The following ZFHX3 variants were observed in gnomAD, a reference collection of about 807,000 sequenced individuals.
The protein encoded by ZFHX3 is zinc finger homeobox 3.
Under a neutral mutation model 279.1 loss-of-function variants are expected in ZFHX3, and 42 were observed. That is an observed-to-expected ratio of 0.15 (90% CI 0.12 to 0.19). The LOEUF is 0.19. Among genes scored for constraint, ZFHX3 ranks in the 10% least tolerant of loss-of-function variants. The pLI, the probability that ZFHX3 is intolerant of heterozygous loss-of-function variation, is 1.00. For synonymous variants in ZFHX3, 2,293 were observed against 1,957.8 expected (o/e 1.17, Z -4.52); for missense variants, 4,981 against 4,754.0 (o/e 1.05, Z -1.40).
At chr16:72,889,468 A>G (rs1432074845) in intron 4 of ZFHX3, among the ~76,000 whole-genome samples, 1 of 150,650 alleles carries the variant, frequency 6.6e-6, no homozygotes, top group South Asian at 2.1e-4. Context: ...GCTCCAAGAA[A>G]AGTGCTGCCA....
intron 2 of ZFHX3, among the ~76,000 whole-genome samples, chr16:73,646,288 T>C (rs537954617): frequency 2.6e-5 from 4 of 152,202 alleles, no homozygotes; most frequent in South Asian, 2.1e-4. Flanking sequence ...GTAAAGACAG[T>C]TGCAAAATCA....
intron 5 of ZFHX3, among the ~76,000 whole-genome samples, chr16:73,182,411 C>T (rs1167255255): frequency 2.0e-5 from 3 of 152,114 alleles, no homozygotes; most frequent in Non-Finnish European, 2.9e-5. Flanking sequence ...GAGCCAAGAT[C>T]GTGCCACTGC....
At chr16:73,487,565 T>C (rs760446408) in intron 2 of ZFHX3, 41 of 319,606 alleles carry the variant, frequency 1.3e-4, no homozygotes, top group Non-Finnish European at 2.3e-4. Context: ...CATGCCCAGC[T>C]AATTTTTTAT....
intron 1 of ZFHX3, among the ~76,000 whole-genome samples, chr16:73,740,773 G>A (rs1319056437): frequency 6.6e-6 from 1 of 152,124 alleles, no homozygotes; most frequent in Non-Finnish European, 1.5e-5. Flanking sequence ...CGAGTCCATG[G>A]TAAATGTGTG....
intron 3 of ZFHX3, among the ~76,000 whole-genome samples, chr16:72,920,508 C>T (rs1299710911): frequency 2.6e-5 from 4 of 151,658 alleles, no homozygotes; most frequent in Admixed American, 6.6e-5. Context: ...GGCGAAACCC[C>T]GTCTCTACTA....
intron 1 of ZFHX3, among the ~76,000 whole-genome samples, chr16:73,872,678 G>T (rs2029865524): frequency 6.9e-6 from 1 of 144,594 alleles, no homozygotes; most frequent in South Asian, 2.3e-4. Flanking sequence ...TCCATGTGGG[G>T]CTTCCATAAA....
At chr16:73,333,387 T>C (rs975205531) in intron 3 of ZFHX3, among the ~76,000 whole-genome samples, 2 of 151,966 alleles carry the variant, frequency 1.3e-5, no homozygotes, top group East Asian at 1.9e-4. Flanking sequence ...GAAAGATACA[T>C]ACATACATAG....
intron 9 of ZFHX3, chr16:72,790,663 A>G (rs1418843128): frequency 6.6e-6 from 1 of 152,228 alleles, no homozygotes; most frequent in Non-Finnish European, 1.5e-5. Flanking sequence ...TGCACATAAG[A>G]CACCAGAGAA....
chr16:73,186,244 C>T (rs578143046), intron 5 of ZFHX3, among the ~76,000 whole-genome samples: 5 of 152,120 alleles, frequency 3.3e-5, no homozygotes, highest in Non-Finnish European at 7.4e-5. Flanking sequence ...CGAAGCCATG[C>T]CCCCTCACCA....
chr16:73,538,524 C>A lies in ZFHX3; in HGVS notation c.-1546-82266G>T, dbSNP rs558168388. Among the ~76,000 whole-genome samples, 7 of 152,216 alleles carry A rather than the reference C, an allele frequency of 4.6e-5. No individual in the cohort carries two copies. In the Middle Eastern group the frequency reaches 0.024, roughly 518 times the overall value. On this transcript the variant is annotated intron_variant, in intron 2 of 17. Coordinates refer to the ZFHX3 transcript ENST00000641206. Reference sequence around the variant, plus strand: ...TGAAAAAGTCATGTAAGTTTTCTTTCCTTGCCAAGGAAATAATCTTATCTC... The same window carrying A: ...TGAAAAAGTCATGTAAGTTTTCTTTACTTGCCAAGGAAATAATCTTATCTC...
intron 3 of ZFHX3, among the ~76,000 whole-genome samples, chr16:73,446,368 G>A (rs986939156): frequency 2.0e-5 from 3 of 152,168 alleles, no homozygotes; most frequent in African/African-American, 4.8e-5. Context: ...GGAAAGAAAC[G>A]TCCTTCTTCA....
chr16:73,102,541 C>A (rs139817421), intron 7 of ZFHX3, among the ~76,000 whole-genome samples: 1 of 152,132 alleles, frequency 6.6e-6, no homozygotes, highest in African/African-American at 2.4e-5. Context: ...TGACATGTAG[C>A]GATGTGTGTA....
rs1257694204 is a variant in ZFHX3, at chr16:72,784,597, C to CA, written c.*2566dup. The CA allele has an allele frequency of 6.6e-5, 10 of 150,404 alleles. No individual in the cohort carries two copies. Among genetic ancestry groups the CA allele is most frequent in the East Asian group, 4.0e-4 (2 of 5,042 alleles). The allele number at this position is 150,404 out of a possible 1,614,324, so 9.3% of individuals were successfully genotyped here. A position where few individuals can be genotyped will look rare whatever the true frequency, so the allele number is the denominator to read the frequency against. Reference sequence around the variant, plus strand: ...ACAAACAAGATAAAATAATGGAAAACAAAAAACTGTACAACTTTAAAATTT... The same window carrying CA: ...ACAAACAAGATAAAATAATGGAAAACAAAAAAACTGTACAACTTTAAAATTT... On this transcript the variant is annotated 3_prime_UTR_variant, in exon 10 of 10. Coordinates refer to ENST00000268489, the MANE Select transcript of ZFHX3 (RefSeq NM_006885.4).
chr16:72,851,600 G>A (rs1284391577), intron 4 of ZFHX3, among the ~76,000 whole-genome samples: 1 of 151,848 alleles, frequency 6.6e-6, no homozygotes, highest in African/African-American at 2.4e-5. Context: ...TGTCGCCCAG[G>A]CTGGACTGCA....
At chr16:72,935,725 C>G (rs142194711) in intron 3 of ZFHX3, among the ~76,000 whole-genome samples, 3,292 of 144,440 alleles carry the variant, frequency 0.023, 138 homozygotes, top group African/African-American at 0.08. Flanking sequence ...CAGAGTGACA[C>G]TCTGTCTTAA....
At chr16:73,317,652 C>T (rs148635377) in intron 4 of ZFHX3, among the ~76,000 whole-genome samples, 1 of 152,128 alleles carries the variant, frequency 6.6e-6, no homozygotes, top group Non-Finnish European at 1.5e-5. Flanking sequence ...TGGGGGCCAG[C>T]AGTACCTCGT....
chr16:73,621,164 A>G (rs894009300), intron 2 of ZFHX3, among the ~76,000 whole-genome samples: 5 of 152,212 alleles, frequency 3.3e-5, no homozygotes, highest in Admixed American at 3.3e-4. Flanking sequence ...GTCTCCCTCC[A>G]CTGTATCCTG....
intron 1 of ZFHX3, among the ~76,000 whole-genome samples, chr16:73,794,582 C>T (rs1959936467): frequency 6.6e-6 from 1 of 152,104 alleles, no homozygotes; most frequent in Admixed American, 6.6e-5. Context: ...TGAGAGGGGA[C>T]ATAGGGACCC....
chr16:73,067,151 C>A (rs1462108030), intron 8 of ZFHX3, among the ~76,000 whole-genome samples: 2 of 152,172 alleles, frequency 1.3e-5, no homozygotes, highest in Non-Finnish European at 2.9e-5. Context: ...GTGCCTGTGC[C>A]TGCGTGTTTG....
Sources: gnomAD v4.1 joint callset for allele counts (sites outside exome capture counted in the v4.1 genomes callset) on GRCh38, gnomAD v4.1.1 for gene constraint, MANE v1.5 for transcripts, NCBI Gene and HGNC (gene_info 2026-07-23, HGNC 2026-07-21) for gene names.